DACH2: variants seen among roughly 807,000 people sequenced by gnomAD.
The protein encoded by DACH2 is dachshund family transcription factor 2.
In DACH2, 17 loss-of-function variants were observed where a neutral mutation model predicts 35.8. That is an observed-to-expected ratio of 0.48 (90% confidence interval 0.33 to 0.71). The LOEUF is 0.71. Ranked by LOEUF, DACH2 falls within the 30% of genes least tolerant of loss-of-function variation. The pLI is 0.02. For synonymous variants in DACH2, 195 were observed against 177.3 expected (o/e 1.10, Z -0.79); for missense variants, 469 against 472.7 (o/e 0.99, Z 0.07).
At chrX:86,824,367 G>A (rs1385773030) in intron 11 of DACH2, among the ~76,000 whole-genome samples, 2 of 111,878 alleles carry the variant, frequency 1.8e-5, no homozygotes, top group Non-Finnish European at 3.8e-5. Flanking sequence ...CAGGTAGTCA[G>A]ACCTTATGGT....
At chrX:86,407,264 C>T (rs1017211121) in intron 2 of DACH2, among the ~76,000 whole-genome samples, 1 of 111,634 alleles carries the variant, frequency 9.0e-6, no homozygotes. Context: ...TGACCTTTTG[C>T]CAGTTATATA....
At chrX:86,610,377 CT>C (rs1297951327) in intron 3 of DACH2, among the ~76,000 whole-genome samples, 1 of 54,623 alleles carries the variant, frequency 1.8e-5, no homozygotes, top group African/African-American at 8.7e-5. Context: ...TTCTTTCTTT[CT>C]TTCTTTCTTT....
intron 1 of DACH2, among the ~76,000 whole-genome samples, chrX:86,210,758 A>T (rs1471886793): frequency 8.9e-6 from 1 of 112,009 alleles, no homozygotes; most frequent in African/African-American, 3.2e-5. Flanking sequence ...CTTGTTTATG[A>T]CAACCATCAG....
chrX:86,379,905 T>C (rs1039938771), intron 2 of DACH2, among the ~76,000 whole-genome samples: 6 of 110,811 alleles, frequency 5.4e-5, no homozygotes, highest in South Asian at 3.7e-4. Flanking sequence ...ATCTGTTACA[T>C]GATTGGGATG....
At chrX:86,791,595 A>G (rs2042187472) in intron 7 of DACH2, among the ~76,000 whole-genome samples, 1 of 111,626 alleles carries the variant, frequency 9.0e-6, no homozygotes, top group African/African-American at 3.3e-5. Context: ...GAATCCATTT[A>G]CCTTTAGGCT....
intron 5 of DACH2, among the ~76,000 whole-genome samples, chrX:86,713,429 C>T (rs771230916): frequency 3.6e-5 from 4 of 111,099 alleles, no homozygotes; most frequent in Non-Finnish European, 7.6e-5. Context: ...AAAAGTGAAG[C>T]GATTACCAAG....
At chrX:86,676,496 G>A (rs1407286654) in intron 4 of DACH2, among the ~76,000 whole-genome samples, 1 of 111,643 alleles carries the variant, frequency 9.0e-6, no homozygotes, top group Non-Finnish European at 1.9e-5. Context: ...ATACAGACCA[G>A]CACTGACCAA....
intron 1 of DACH2, among the ~76,000 whole-genome samples, chrX:86,195,105 C>G (rs1267081404): frequency 8.8e-6 from 1 of 113,048 alleles, no homozygotes; most frequent in Non-Finnish European, 1.9e-5. Context: ...AGCAAGCCTG[C>G]ACATCTTTTT....
At chrX:86,408,142 G>A (rs2036554618) in intron 2 of DACH2, among the ~76,000 whole-genome samples, 1 of 111,535 alleles carries the variant, frequency 9.0e-6, no homozygotes, top group South Asian at 3.7e-4. Flanking sequence ...AATGGTGAGA[G>A]ATTCTCAGTT....
rs925339560 is a variant in DACH2, at chrX:86,403,588, T to G, written c.527+26726T>G. On this transcript the variant is annotated intron_variant, in intron 2 of 11. Coordinates refer to ENST00000373125, the MANE Select transcript of DACH2 (RefSeq NM_053281.3). Reference sequence around the variant, plus strand: ...TGGAGAAGAGGGAACACTTATGCACTGTGGGAATGTAAATCAGTTCAGCCA... The same window carrying G: ...TGGAGAAGAGGGAACACTTATGCACGGTGGGAATGTAAATCAGTTCAGCCA... Among the ~76,000 whole-genome samples the G allele has an allele frequency of 7.1e-5, 8 of 112,056 alleles. 1 individual carries two copies. Among genetic ancestry groups the G allele is most frequent in the African/African-American group, 2.6e-4 (8 of 30,788 alleles).
At chrX:86,542,936 C>A (rs2038906114) in intron 3 of DACH2, among the ~76,000 whole-genome samples, 1 of 112,280 alleles carries the variant, frequency 8.9e-6, no homozygotes, top group Non-Finnish European at 1.9e-5. Context: ...CTTTTTGGTA[C>A]TGAGTCCATC....
intron 3 of DACH2, among the ~76,000 whole-genome samples, chrX:86,554,017 G>A (rs1398823225): frequency 1.8e-5 from 2 of 110,912 alleles, no homozygotes; most frequent in African/African-American, 3.3e-5. Flanking sequence ...GTGTGTGTGC[G>A]TGTTTGTGTG....
At chrX:86,646,971 G>T (rs1300544395) in intron 3 of DACH2, among the ~76,000 whole-genome samples, 3 of 109,358 alleles carry the variant, frequency 2.7e-5, no homozygotes, top group Non-Finnish European at 3.8e-5. Flanking sequence ...AAACCGTAAT[G>T]AGATATCACC....
intron 1 of DACH2, among the ~76,000 whole-genome samples, chrX:86,220,455 A>G (rs1055320264): frequency 2.7e-5 from 3 of 111,579 alleles, no homozygotes; most frequent in African/African-American, 9.8e-5. Flanking sequence ...GGTACCTCAT[A>G]TAAGTGAAAT....
chrX:86,465,480 A>G (rs182840077), intron 2 of DACH2, among the ~76,000 whole-genome samples: 57 of 111,722 alleles, frequency 5.1e-4, no homozygotes, highest in Middle Eastern at 4.6e-3. Context: ...TCTTTGGAGT[A>G]AGGGGCACCA....
At chrX:86,149,370 CT>C (rs1456514063) in intron 1 of DACH2, among the ~76,000 whole-genome samples, 1 of 112,341 alleles carries the variant, frequency 8.9e-6, no homozygotes, top group African/African-American at 3.2e-5. Context: ...ACTTTCCAGC[CT>C]TTTGCCCATA....
In DACH2 at chrX:86,261,999, G is replaced by T. The variant is rs148135966; in HGVS notation, c.488+112891G>T. The stretch of plus-strand genomic sequence containing the variant: ...TGTGGTGTCAAAAATAAACACTTGA[G>T]GCCAGGCACAGTGGCTCATACCAGT... On this transcript the variant is annotated intron_variant, in intron 1 of 11. Coordinates refer to ENST00000373125, the MANE Select transcript of DACH2 (RefSeq NM_053281.3). Among the ~76,000 whole-genome samples, 583 of 110,910 alleles carry T rather than the reference G, an allele frequency of 5.3e-3. 4 individuals carry two copies. Among genetic ancestry groups the T allele is most frequent in the African/African-American group, 0.018 (540 of 30,477 alleles).
intron 1 of DACH2, among the ~76,000 whole-genome samples, chrX:86,245,510 T>A (rs773597455): frequency 1.3e-4 from 14 of 111,767 alleles, no homozygotes; most frequent in Non-Finnish European, 2.1e-4. Context: ...AGAGAACAAA[T>A]TCATGGGCCT....
intron 2 of DACH2, among the ~76,000 whole-genome samples, chrX:86,473,955 C>T (rs973472912): frequency 8.1e-5 from 9 of 111,595 alleles, no homozygotes; most frequent in East Asian, 2.8e-4. Context: ...TCTTCCATAG[C>T]GGTTGTGGTA....
Sources: gnomAD v4.1 joint callset for allele counts (sites outside exome capture counted in the v4.1 genomes callset) on GRCh38, gnomAD v4.1.1 for gene constraint, MANE v1.5 for transcripts, NCBI Gene and HGNC (gene_info 2026-07-23, HGNC 2026-07-21) for gene names.